Variants in GALNT2 observed in about 807,000 individuals in gnomAD.
GALNT2 encodes UDP-GalNAc:polypeptide N-acetylgalactosaminyltransferase 2.
Under a neutral mutation model 81.4 loss-of-function variants are expected in GALNT2, and 31 were observed. That is an observed-to-expected ratio of 0.38 (90% CI 0.29 to 0.51). The LOEUF (loss-of-function observed/expected upper bound fraction) is 0.51, where lower values mean the gene tolerates loss of function less well. Among genes scored for constraint, GALNT2 ranks in the 20% least tolerant of loss-of-function variants. The pLI is 0.87. For missense variants in GALNT2, 629 were observed against 765.7 expected (o/e 0.82, Z 2.11); for synonymous variants, 303 against 287.4 (o/e 1.05, Z -0.55).
chr1:230,070,600 T>C lies in GALNT2; in HGVS notation c.126+3194T>C, dbSNP rs1659343203. Among the ~76,000 whole-genome samples, 1 of 152,130 alleles carries C rather than the reference T, an allele frequency of 6.6e-6. No homozygotes were observed. The highest frequency in any genetic ancestry group is 1.5e-5 in the Non-Finnish European group (1 of 68,022). Reference sequence around the variant, plus strand: ...CTGGGAGCCTGTCCACTTTGCACAGTAGCATCACCCTTATTCCCTGAGCTG... The same window carrying C: ...CTGGGAGCCTGTCCACTTTGCACAGCAGCATCACCCTTATTCCCTGAGCTG... On this transcript the variant is annotated intron_variant, in intron 1 of 15. Coordinates refer to ENST00000366672, the MANE Select transcript of GALNT2 (RefSeq NM_004481.5). This position sits in a 1 kb window ranked among gnomAD's most constrained non-coding sequence, Gnocchi z 4.7.
chr1:230,210,026 C>G (rs1456639972), intron 3 of GALNT2, among the ~76,000 whole-genome samples: 3 of 152,150 alleles, frequency 2.0e-5, no homozygotes, highest in Non-Finnish European at 4.4e-5. Context: ...TTGTCTGGTT[C>G]AGAGGTTCCT....
intron 1 of GALNT2, among the ~76,000 whole-genome samples, chr1:230,105,943 T>G (rs1660531383): frequency 6.6e-6 from 1 of 152,198 alleles, no homozygotes; most frequent in African/African-American, 2.4e-5. Flanking sequence ...CTCTTCCCAC[T>G]CACCTTTACT....
chr1:230,190,960 C>G (rs2102696545), intron 2 of GALNT2, among the ~76,000 whole-genome samples: 1 of 152,200 alleles, frequency 6.6e-6, no homozygotes, highest in African/African-American at 2.4e-5. Flanking sequence ...ATTGCAGGGT[C>G]AATGGCAATG....
intron 1 of GALNT2, among the ~76,000 whole-genome samples, chr1:230,061,439 G>A (rs1659044526): frequency 6.6e-6 from 1 of 151,724 alleles, no homozygotes; most frequent in South Asian, 2.1e-4. Context: ...AAAAATAAAG[G>A]GCTTTAAAAT....
chr1:230,068,069 C>A (rs1659255979), intron 1 of GALNT2, among the ~76,000 whole-genome samples: 1 of 152,238 alleles, frequency 6.6e-6, no homozygotes, highest in Non-Finnish European at 1.5e-5. Context: ...ACCCTCTGCC[C>A]AACCCGGCCC....
At chr1:230,198,202 T>G (rs1663765963) in intron 2 of GALNT2, among the ~76,000 whole-genome samples, 1 of 152,220 alleles carries the variant, frequency 6.6e-6, no homozygotes, top group Non-Finnish European at 1.5e-5. Context: ...GCTTGTGGAC[T>G]GCGCATGTGG....
chr1:230,114,548 G>A (rs897263919), intron 1 of GALNT2, among the ~76,000 whole-genome samples: 8 of 152,382 alleles, frequency 5.2e-5, no homozygotes, highest in Non-Finnish European at 1.0e-4. Flanking sequence ...ACCCGGCACT[G>A]CTGGGACATG....
chr1:230,152,357 T>C (rs534615218), intron 1 of GALNT2, among the ~76,000 whole-genome samples: 2 of 152,290 alleles, frequency 1.3e-5, no homozygotes, highest in African/African-American at 4.8e-5. Flanking sequence ...AACCTGACTC[T>C]TTCAAAGATG....
intron 1 of GALNT2, among the ~76,000 whole-genome samples, chr1:230,115,731 G>A (rs1027891055): frequency 6.6e-6 from 1 of 152,160 alleles, no homozygotes; most frequent in Admixed American, 6.5e-5. Context: ...TGTAGCATGC[G>A]TTGCTGTTTA....
rs1666156027 is a variant in GALNT2 at position 230,271,312 on chromosome 1, G to T, written c.1441-3133G>T. Among the ~76,000 whole-genome samples, 1 of 152,196 alleles carries T rather than the reference G, an allele frequency of 6.6e-6. No individual in the cohort carries two copies. Among genetic ancestry groups the T allele is most frequent in the South Asian group, 2.1e-4 (1 of 4,830 alleles). ...CACCTTCCATACTCTGTGACCCAGTGAATAGGAAAAAAGCTGCTTTTCCTC... is the reference window on the plus strand; with the variant it reads ...CACCTTCCATACTCTGTGACCCAGTTAATAGGAAAAAAGCTGCTTTTCCTC... On this transcript the variant is annotated intron_variant, in intron 14 of 15. Coordinates refer to ENST00000366672, the MANE Select transcript of GALNT2 (RefSeq NM_004481.5). This position sits in a 1 kb window ranked among gnomAD's most constrained non-coding sequence, Gnocchi z 4.2.
At chr1:230,236,835 G>C (rs971777727) in intron 6 of GALNT2, 110 bp downstream of exon 6, 6 of 1,098,074 alleles carry the variant, frequency 5.5e-6, no homozygotes, top group Admixed American at 2.5e-5. Context: ...GCTTTTTTCT[G>C]TCTCCCTCTA....
chr1:230,167,694 G>C (rs992497338), intron 1 of GALNT2, among the ~76,000 whole-genome samples: 1 of 152,204 alleles, frequency 6.6e-6, no homozygotes, highest in Non-Finnish European at 1.5e-5. Flanking sequence ...GAGGAGCGCC[G>C]TGGTGATGGG....
chr1:230,242,705 T>C (rs1665237416), intron 6 of GALNT2, among the ~76,000 whole-genome samples: 1 of 152,126 alleles, frequency 6.6e-6, no homozygotes, highest in Non-Finnish European at 1.5e-5. Flanking sequence ...ATTTTTGAAA[T>C]ACACTATTTG....
At chr1:230,189,484 G>A (rs550991641) in intron 2 of GALNT2, among the ~76,000 whole-genome samples, 1 of 152,310 alleles carries the variant, frequency 6.6e-6, no homozygotes, top group African/African-American at 2.4e-5. Flanking sequence ...TAACAGAGAC[G>A]TTTTAGCTTT....
At chr1:230,241,501 C>A (rs1665200860) in intron 6 of GALNT2, among the ~76,000 whole-genome samples, 1 of 151,832 alleles carries the variant, frequency 6.6e-6, no homozygotes, top group Non-Finnish European at 1.5e-5. Context: ...GGCTGGAGTG[C>A]AGTGGTGTGA....
At chr1:230,096,662 G>A (rs1023367874) in intron 1 of GALNT2, among the ~76,000 whole-genome samples, 2 of 152,076 alleles carry the variant, frequency 1.3e-5, no homozygotes, top group Non-Finnish European at 2.9e-5. Flanking sequence ...GGCAGCCTGG[G>A]GGCAGCAGGT....
chr1:230,147,249 C>T (rs1232657263), intron 1 of GALNT2, among the ~76,000 whole-genome samples: 1 of 152,234 alleles, frequency 6.6e-6, no homozygotes, highest in Admixed American at 6.5e-5. Context: ...AAGATGTTGT[C>T]CCTGGACTGA....
intron 3 of GALNT2, among the ~76,000 whole-genome samples, chr1:230,208,893 G>A (rs191676635): frequency 6.6e-6 from 1 of 152,150 alleles, no homozygotes; most frequent in East Asian, 1.9e-4. Context: ...AATACCCGTG[G>A]GGTGCTCCTG....
At chr1:230,133,145 G>A (rs1661421692) in intron 1 of GALNT2, among the ~76,000 whole-genome samples, 1 of 152,098 alleles carries the variant, frequency 6.6e-6, no homozygotes. Flanking sequence ...GTATGGATAT[G>A]TCCAATCTAC....
Sources: allele counts gnomAD v4.1 joint callset (sites outside exome capture counted in the v4.1 genomes callset), GRCh38; gene constraint gnomAD v4.1.1; non-coding constraint Gnocchi (gnomAD v3.1); transcripts MANE v1.5; gene names NCBI Gene and HGNC (gene_info 2026-07-23, HGNC 2026-07-21).